Variants in DUSP10 observed in about 807,000 individuals in gnomAD.
DUSP10 encodes dual specificity phosphatase 10.
A neutral mutation model predicts 30.8 loss-of-function variants in DUSP10; 14 were observed. That is an observed-to-expected ratio of 0.46 (90% CI 0.30 to 0.71). The LOEUF (loss-of-function observed/expected upper bound fraction) is 0.71, where lower values mean the gene tolerates loss of function less well. Ranked by LOEUF, DUSP10 falls within the 30% of genes least tolerant of loss-of-function variation. The pLI is 0.08. For synonymous variants in DUSP10, 254 were observed against 250.4 expected (o/e 1.01, Z -0.14); for missense variants, 550 against 619.4 (o/e 0.89, Z 1.19).
chr1:221,739,233 C>A lies in DUSP10; in HGVS notation c.512G>T (p.Gly171Val), dbSNP rs1187584814. 7 of 1,614,028 alleles carry A rather than the reference C, an allele frequency of 4.3e-6. No homozygotes were observed. The highest frequency in any genetic ancestry group is 5.9e-6 in the Non-Finnish European group (7 of 1,180,042). Reference sequence around the variant, plus strand: ...GGGCCTGCAGTCAATGATGACAGGGCCCTGACTCGGCAGGTGACTCTTGCT... The same window carrying A: ...GGGCCTGCAGTCAATGATGACAGGGACCTGACTCGGCAGGTGACTCTTGCT... ...KCSKSHLPSQ[G>V]PVIIDCRPFM... The change falls in exon 2 of 4, where the codon GGC becomes GTC. Residue 171 changes from glycine (G) to valine (V), a missense_variant. By Grantham distance (109) the Gly-to-Val change is moderately radical. Coordinates refer to ENST00000366899, the MANE Select transcript of DUSP10 (RefSeq NM_007207.6).
At chr1:221,703,100 GA>G (rs955728148) in intron 3 of DUSP10, among the ~76,000 whole-genome samples, 10 of 145,468 alleles carry the variant, frequency 6.9e-5, no homozygotes, top group African/African-American at 2.3e-4. Flanking sequence ...ACTACTGAAA[GA>G]AAAAAAAAGA....
At chr1:221,722,396 C>T (rs185105743) in intron 2 of DUSP10, among the ~76,000 whole-genome samples, 149 of 152,326 alleles carry the variant, frequency 9.8e-4, no homozygotes, top group Admixed American at 1.9e-3. Context: ...GAGACTTCCA[C>T]AGTCAATGAG....
chr1:221,728,253 AG>A (rs927833443), intron 2 of DUSP10, among the ~76,000 whole-genome samples: 1 of 152,220 alleles, frequency 6.6e-6, no homozygotes. Context: ...ATTCTGTTTT[AG>A]CAGCATAAAA....
At position 221,702,215 on chromosome 1, in the gene DUSP10, G is replaced by A. The variant is rs1307774257; in HGVS notation, c.*197C>T. 1 of 591,086 alleles carries A rather than the reference G, an allele frequency of 1.7e-6. No homozygotes were observed. Among genetic ancestry groups the A allele is most frequent in the Non-Finnish European group, 2.9e-6 (1 of 347,194 alleles). 36.6% of individuals were successfully genotyped at this position (591,086 alleles called of 1,614,324 possible). A position where few individuals can be genotyped will look rare whatever the true frequency, so the allele number is the denominator to read the frequency against. Reference sequence around the variant, plus strand: ...TAACCTCCTTAATTTGTCAGTTTGTGGGAGGTGAATCTCAATGGCATCAAA... The same window carrying A: ...TAACCTCCTTAATTTGTCAGTTTGTAGGAGGTGAATCTCAATGGCATCAAA... On this transcript the variant is annotated 3_prime_UTR_variant, in exon 4 of 4. Transcript: ENST00000366899. The surrounding 1 kb of genome is among the most constrained non-coding windows in gnomAD (Gnocchi z 4.5).
chr1:221,739,235 C>A lies in DUSP10; in HGVS notation c.510G>T (p.Gln170His). 3 of 1,614,192 alleles carry A rather than the reference C, an allele frequency of 1.9e-6. No homozygotes were observed. Among genetic ancestry groups the A allele is most frequent in the Non-Finnish European group, 2.5e-6 (3 of 1,180,042 alleles). The change falls in exon 2 of 4, where the codon CAG becomes CAT. Residue 170 changes from glutamine (Q) to histidine (H), a missense_variant. By Grantham distance (24) the Gln-to-His change is conservative. Transcript: ENST00000366899. ...GCCTGCAGTCAATGATGACAGGGCC[C>A]TGACTCGGCAGGTGACTCTTGCTGC... The part of the protein sequence containing the change: ...TKCSKSHLPS[Q>H]GPVIIDCRPF...
chr1:221,706,473 C>T lies in DUSP10; in HGVS notation c.812-7G>A. ...TTAAAACTACTAAGTCCACCTAGAA[C>T]ACAAACACAGAAGGTGAGTGTGACT... On this transcript the variant is annotated splice_polypyrimidine_tract_variant and splice_region_variant and intron_variant, in intron 2 of 3. Coordinates refer to ENST00000366899, the MANE Select transcript of DUSP10 (RefSeq NM_007207.6). The surrounding 1 kb of genome is among the most constrained non-coding windows in gnomAD (Gnocchi z 4.6). 6.7e-7 allele frequency: 1 copy of T among 1,495,676 alleles called. No individual in the cohort carries two copies. 92.7% of individuals were successfully genotyped at this position (1,495,676 alleles called of 1,614,324 possible).
chr1:221,720,804 A>T (rs766176766), intron 2 of DUSP10, among the ~76,000 whole-genome samples: 8 of 152,214 alleles, frequency 5.3e-5, no homozygotes, highest in Non-Finnish European at 1.2e-4. Context: ...CCTGACATTC[A>T]ATTTACAGCT....
chr1:221,724,289 T>C (rs1272094614), intron 2 of DUSP10, among the ~76,000 whole-genome samples: 1 of 152,188 alleles, frequency 6.6e-6, no homozygotes, highest in African/African-American at 2.4e-5. Context: ...TATTACCACA[T>C]TGAGATCGGC....
At chr1:221,704,020 G>C (rs976138786) in intron 3 of DUSP10, among the ~76,000 whole-genome samples, 3 of 152,208 alleles carry the variant, frequency 2.0e-5, no homozygotes, top group Non-Finnish European at 4.4e-5. Context: ...AGAAAGCATG[G>C]TGGTGAGAGA....
At position 221,719,704 on chromosome 1, in the gene DUSP10, C is replaced by T. The variant is rs144803161; in HGVS notation, c.812-13238G>A. The stretch of plus-strand genomic sequence containing the variant: ...CCCGTATCTGGCACCATCAGACTTT[C>T]GACCATTTCCCCTGAAGCCATGTCT... On this transcript the variant is annotated intron_variant, in intron 2 of 3. Coordinates refer to ENST00000366899, the MANE Select transcript of DUSP10 (RefSeq NM_007207.6). Among the ~76,000 whole-genome samples, 17 of 152,252 alleles carry T rather than the reference C, an allele frequency of 1.1e-4. No individual in the cohort carries two copies. In the East Asian group the frequency reaches 2.9e-3, roughly 26 times the overall value.
At chr1:221,737,211 T>C in intron 2 of DUSP10, 1 of 985,468 alleles carries the variant, frequency 1.0e-6, no homozygotes, top group Non-Finnish European at 1.2e-6. Context: ...TGATCCGTGT[T>C]GTTTCCTCTC....
intron 2 of DUSP10, among the ~76,000 whole-genome samples, chr1:221,712,131 C>T (rs1332485488): frequency 6.6e-6 from 1 of 152,080 alleles, no homozygotes; most frequent in Non-Finnish European, 1.5e-5. Flanking sequence ...GGGTATTTTA[C>T]AGTAGGAATT....
chr1:221,716,179 A>G (rs1286845038), intron 2 of DUSP10, among the ~76,000 whole-genome samples: 1 of 152,202 alleles, frequency 6.6e-6, no homozygotes, highest in East Asian at 1.9e-4. Flanking sequence ...AAACGAATCC[A>G]CAGAATATTT....
intron 2 of DUSP10, chr1:221,737,177 T>C: frequency 6.1e-6 from 6 of 985,390 alleles, no homozygotes; most frequent in Non-Finnish European, 7.2e-6. Context: ...ATCATCCCCA[T>C]GATTAGGAGG....
At chr1:221,738,538 C>T (rs550603591) in intron 2 of DUSP10, among the ~76,000 whole-genome samples, 33 of 152,270 alleles carry the variant, frequency 2.2e-4, no homozygotes, top group Middle Eastern at 3.4e-3. Context: ...TCCTCTGTTC[C>T]ATCAACATTG....
intron 2 of DUSP10, chr1:221,737,237 C>A: frequency 1.0e-6 from 1 of 985,410 alleles, no homozygotes; most frequent in Non-Finnish European, 1.2e-6. Context: ...ATCATGAAGA[C>A]ACAAAAGACT....
chr1:221,716,822 C>T (rs1571816584), intron 2 of DUSP10, among the ~76,000 whole-genome samples: 1 of 152,170 alleles, frequency 6.6e-6, no homozygotes, highest in African/African-American at 2.4e-5. Flanking sequence ...AACTGGTTCC[C>T]AGGGAGAAAT....
chr1:221,739,492 T>G lies in DUSP10; in HGVS notation c.253A>C (p.Thr85Pro). 1 of 1,614,142 alleles carries G rather than the reference T, an allele frequency of 6.2e-7. No homozygotes were observed. Among genetic ancestry groups the G allele is most frequent in the Non-Finnish European group, 8.5e-7 (1 of 1,180,026 alleles). Residue 85 changes from threonine (T) to proline (P), a missense_variant, in exon 2 of 4, where the codon ACC becomes CCC. By Grantham distance (38) the Thr-to-Pro change is conservative (BLOSUM62 -1). Transcript: ENST00000366899. ...CSSASCCTVA[T>P]YDKDNQAQTQ... ...TGGGCCTGATTGTCCTTGTCGTAGG[T>G]TGCCACAGTGCAGCAGCTGGCACTG...
chr1:221,726,959 T>C (rs1399312547), intron 2 of DUSP10, among the ~76,000 whole-genome samples: 1 of 152,224 alleles, frequency 6.6e-6, no homozygotes, highest in East Asian at 1.9e-4. Flanking sequence ...TTAGCTAGTA[T>C]GCATTCGTTA....
Sources: allele counts gnomAD v4.1 joint callset (sites outside exome capture counted in the v4.1 genomes callset), GRCh38; gene constraint gnomAD v4.1.1; non-coding constraint Gnocchi (gnomAD v3.1); transcripts MANE v1.5; gene names NCBI Gene and HGNC (gene_info 2026-07-23, HGNC 2026-07-21).